Variants in THSD7B observed in about 807,000 individuals in gnomAD.
THSD7B encodes the protein thrombospondin type 1 domain containing 7B.
A neutral mutation model predicts 213.6 loss-of-function variants in THSD7B; 138 were observed. That is an observed-to-expected ratio of 0.65 (90% CI 0.56 to 0.74). The LOEUF is 0.74. Ranked by LOEUF, THSD7B falls within the 30% of genes least tolerant of loss-of-function variation. THSD7B has a pLI of 0.00. For synonymous variants in THSD7B, 742 were observed against 687.0 expected, an observed-to-expected ratio of 1.08 and a Z score of -1.25; for missense variants, 1,931 against 1,991.5, an observed-to-expected ratio of 0.97 and a Z score of 0.58.
chr2:137,326,216 G>A (rs1278421708), intron 12 of THSD7B, among the ~76,000 whole-genome samples: 1 of 152,138 alleles, frequency 6.6e-6, no homozygotes, highest in South Asian at 2.1e-4. Flanking sequence ...GCAAGGAGGG[G>A]TAGATACCCA....
Position 137,288,062 on chromosome 2 carries a change from A to G in THSD7B, c.2500+12036A>G, listed in dbSNP as rs1014214874. The stretch of plus-strand genomic sequence containing the variant: ...TTCACGTCTGTTTATGTCAGGTGCC[A>G]TCTCAGGATTGCATCAGAAACATGT... On this transcript the variant is annotated intron_variant, in intron 12 of 27. Transcript: ENST00000409968. Among the ~76,000 whole-genome samples the G allele has an allele frequency of 5.3e-5, 8 of 152,114 alleles. No homozygotes were observed. In the East Asian group the frequency reaches 1.3e-3, roughly 26 times the overall value.
chr2:136,939,144 G>C (rs925469461), intron 2 of THSD7B, among the ~76,000 whole-genome samples: 8 of 151,898 alleles, frequency 5.3e-5, no homozygotes, highest in African/African-American at 1.9e-4. Flanking sequence ...CATTTCGTTG[G>C]CTGCAGCACT....
chr2:137,224,800 T>C (rs759794717), intron 7 of THSD7B, among the ~76,000 whole-genome samples: 11 of 149,094 alleles, frequency 7.4e-5, no homozygotes, highest in Non-Finnish European at 1.2e-4. Flanking sequence ...CTACTCTTAT[T>C]ATATTATTGT....
chr2:136,957,531 G>A (rs1685147736), intron 2 of THSD7B, among the ~76,000 whole-genome samples: 1 of 150,476 alleles, frequency 6.6e-6, no homozygotes, highest in African/African-American at 2.5e-5. Flanking sequence ...GACAAATTTA[G>A]TTTCATTTGT....
At position 137,174,177 on chromosome 2, in the gene THSD7B, A is replaced by G. The variant is rs901640632; in HGVS notation, c.1723+3239A>G. Among the ~76,000 whole-genome samples, 9 of 152,170 alleles carry G rather than the reference A, an allele frequency of 5.9e-5. No individual in the cohort carries two copies. The South Asian group carries it at 1.9e-3, about 32-fold the overall frequency. On this transcript the variant is annotated intron_variant, in intron 7 of 27. Coordinates refer to ENST00000409968, the MANE Select transcript of THSD7B (RefSeq NM_001316349.2). ...GTTTACCATTTTTAGGCTTTTACAT[A>G]TGATCTCCTTCTAGATATCCTGCAT...
chr2:137,296,743 A>C (rs1199556581), intron 12 of THSD7B, among the ~76,000 whole-genome samples: 1 of 152,066 alleles, frequency 6.6e-6, no homozygotes, highest in Non-Finnish European at 1.5e-5. Flanking sequence ...TGAAAACAAC[A>C]ACTACACAGA....
chr2:137,358,890 C>T (rs1685193316), intron 12 of THSD7B, among the ~76,000 whole-genome samples: 2 of 152,168 alleles, frequency 1.3e-5, no homozygotes, highest in South Asian at 2.1e-4. Context: ...ATATTAGCAC[C>T]TTTGCTTGTG....
chr2:137,086,745 A>G (rs1251910343), intron 3 of THSD7B, among the ~76,000 whole-genome samples: 1 of 152,242 alleles, frequency 6.6e-6, no homozygotes, highest in South Asian at 2.1e-4. Context: ...AGGAACATAA[A>G]GCTCATGGTA....
chr2:137,559,748 A>C (rs568971082), intron 15 of THSD7B, among the ~76,000 whole-genome samples: 24 of 152,350 alleles, frequency 1.6e-4, no homozygotes, highest in Non-Finnish European at 2.8e-4. Context: ...TCTGCACAGC[A>C]AAAGAAACTA....
chr2:137,182,416 C>G (rs1680472008), intron 7 of THSD7B, among the ~76,000 whole-genome samples: 1 of 146,782 alleles, frequency 6.8e-6, no homozygotes. Flanking sequence ...CAGAAATGTT[C>G]ACAGCTGTGA....
At chr2:137,343,321 T>C (rs1684803784) in intron 12 of THSD7B, among the ~76,000 whole-genome samples, 1 of 151,740 alleles carries the variant, frequency 6.6e-6, no homozygotes, top group Admixed American at 6.6e-5. Flanking sequence ...CTTATTAGTC[T>C]GTTCAAATTT....
intron 12 of THSD7B, among the ~76,000 whole-genome samples, chr2:137,391,803 T>C (rs1686034477): frequency 6.6e-6 from 1 of 152,224 alleles, no homozygotes; most frequent in Non-Finnish European, 1.5e-5. Context: ...TGGTTTATTC[T>C]TGCTTTTCTA....
intron 2 of THSD7B, among the ~76,000 whole-genome samples, chr2:137,042,547 C>T (rs545516816): frequency 2.0e-5 from 3 of 152,250 alleles, no homozygotes; most frequent in African/African-American, 7.2e-5. Flanking sequence ...TTGTTTAACC[C>T]TGTATCATTC....
rs35691845 is a variant in THSD7B, at chr2:136,983,078, TA to T, written c.140-73331del. Reference sequence around the variant, plus strand: ...CATCTACCCTGGATCAGTTTAAAATTAAAAAAAAAAACATTTCTAATGTAAA... The same window carrying T: ...CATCTACCCTGGATCAGTTTAAAATTAAAAAAAAAACATTTCTAATGTAAA... On this transcript the variant is annotated intron_variant, in intron 2 of 27. Transcript: ENST00000409968. 7.7e-3 allele frequency among the ~76,000 whole-genome samples: 1,120 copies of T among 146,274 alleles called. 14 individuals carry two copies. The highest frequency in any genetic ancestry group is 0.025 in the African/African-American group (975 of 39,772).
chr2:137,165,367 A>G (rs1160371797), intron 6 of THSD7B, among the ~76,000 whole-genome samples: 5 of 152,244 alleles, frequency 3.3e-5, no homozygotes, highest in African/African-American at 1.2e-4. Flanking sequence ...CCTCTTGGGA[A>G]GAATGAAGAA....
chr2:137,070,476 G>A (rs1687459582), intron 3 of THSD7B, among the ~76,000 whole-genome samples: 1 of 151,794 alleles, frequency 6.6e-6, no homozygotes, highest in African/African-American at 2.4e-5. Flanking sequence ...TCATAGAAAT[G>A]TGATTGTTGG....
At chr2:137,294,583 CAAAAAAAAAA>C (rs1210363889) in intron 12 of THSD7B, among the ~76,000 whole-genome samples, 3 of 73,246 alleles carry the variant, frequency 4.1e-5, no homozygotes, top group African/African-American at 1.5e-4. Context: ...AACTCCATCT[CAAAAAAAAAA>C]AAAAAAAAAA....
At chr2:137,080,512 C>A (rs903871858) in intron 3 of THSD7B, among the ~76,000 whole-genome samples, 1 of 151,822 alleles carries the variant, frequency 6.6e-6, no homozygotes, top group African/African-American at 2.4e-5. Flanking sequence ...CTGCATCTGA[C>A]CAATATGTTT....
chr2:137,391,427 GC>G (rs1686024301), intron 12 of THSD7B, among the ~76,000 whole-genome samples: 1 of 152,010 alleles, frequency 6.6e-6, no homozygotes, highest in South Asian at 2.1e-4. Flanking sequence ...AGTGGCTCAT[GC>G]CTGTAATCCC....
Sources: gnomAD v4.1 joint callset for allele counts (sites outside exome capture counted in the v4.1 genomes callset) on GRCh38, gnomAD v4.1.1 for gene constraint, MANE v1.5 for transcripts, NCBI Gene and HGNC (gene_info 2026-07-23, HGNC 2026-07-21) for gene names.